Variants in RASA1 observed in about 807,000 individuals in gnomAD.
RASA1 encodes the protein ras GTPase-activating protein 1.
RASA1 carries 25 observed loss-of-function variants against 132.2 expected under a neutral mutation model. The observed-to-expected ratio is 0.19, with a 90% CI of 0.14 to 0.26. The LOEUF (loss-of-function observed/expected upper bound fraction) is 0.26. RASA1 is among the 10% of genes least tolerant of loss of function. RASA1 has a pLI of 1.00. For missense variants in RASA1, 964 were observed against 1,299.2 expected (o/e 0.74, Z 3.97); for synonymous variants, 477 against 449.9 (o/e 1.06, Z -0.76).
At chr5:87,297,819 C>A (rs1427333089) in intron 1 of RASA1, among the ~76,000 whole-genome samples, 1 of 152,120 alleles carries the variant, frequency 6.6e-6, no homozygotes, top group African/African-American at 2.4e-5. Flanking sequence ...ATGACTGGAT[C>A]CTCCTGGAGT....
In RASA1 at chr5:87,374,861, T is replaced by C. The variant is rs2112486940; in HGVS notation, c.1956T>C (p.Asn652=). ...FVFDDLPPDI[N]RFEITLSNKT... Reference sequence around the variant, plus strand: ...TTAGTGATCTTCCTCCTGACATCAATAGATTTGAAATAACTCTTAGTAATA... The same window carrying C: ...TTAGTGATCTTCCTCCTGACATCAACAGATTTGAAATAACTCTTAGTAATA... Residue 652 remains asparagine, a synonymous_variant, in exon 15 of 25, where the codon AAT becomes AAC. Coordinates refer to ENST00000274376, the MANE Select transcript of RASA1 (RefSeq NM_002890.3). 3 of 1,609,896 alleles carry C rather than the reference T, an allele frequency of 1.9e-6. No individual in the cohort carries two copies. Among genetic ancestry groups the C allele is most frequent in the African/African-American group, 1.3e-5 (1 of 74,922 alleles).
chr5:87,353,044 C>A, intron 8 of RASA1, 113 bp from the exon 9 acceptor site: 1 of 743,036 alleles, frequency 1.3e-6, no homozygotes, highest in Non-Finnish European at 2.3e-6. Flanking sequence ...GTGTTATGTG[C>A]TTTGAAAAAA....
chr5:87,346,816 C>A, intron 7 of RASA1, 92 bp downstream of exon 7: 2 of 978,302 alleles, frequency 2.0e-6, no homozygotes, highest in Non-Finnish European at 3.2e-6. Flanking sequence ...CTTTAGCATT[C>A]AGTTAGTGTT....
At chr5:87,353,347 C>A in intron 9 of RASA1, 112 bp downstream of exon 9, 3 of 864,538 alleles carry the variant, frequency 3.5e-6, no homozygotes, top group Non-Finnish European at 5.6e-6. Flanking sequence ...CTTAAAACTA[C>A]AGATTATTTA....
At chr5:87,347,012 C>T (rs1226174444) in intron 7 of RASA1, among the ~76,000 whole-genome samples, 1 of 151,868 alleles carries the variant, frequency 6.6e-6, no homozygotes, top group Non-Finnish European at 1.5e-5. Flanking sequence ...TTTTCTGTGT[C>T]TCTGTGAATC....
In RASA1 at chr5:87,365,801, T is replaced by C. The variant is rs577709804; in HGVS notation, c.1610+2297T>C. On this transcript the variant is annotated intron_variant, in intron 11 of 24. Coordinates refer to ENST00000274376, the MANE Select transcript of RASA1 (RefSeq NM_002890.3). The stretch of plus-strand genomic sequence containing the variant: ...ATACTTTGAAACAAAGAAGGTCCTA[T>C]GGAAATGCTAGTTAAGTTTATGACT... 1.8e-3 allele frequency among the ~76,000 whole-genome samples: 272 copies of C among 152,190 alleles called. 2 individuals carry two copies. The highest frequency in any genetic ancestry group is 0.016 in the South Asian group (79 of 4,824).
At chr5:87,298,895 G>T (rs928165193) in intron 1 of RASA1, among the ~76,000 whole-genome samples, 2 of 152,172 alleles carry the variant, frequency 1.3e-5, no homozygotes, top group Non-Finnish European at 2.9e-5. Context: ...ATTGTGCACT[G>T]CATTGTTCAG....
intron 1 of RASA1, among the ~76,000 whole-genome samples, chr5:87,287,947 A>C (rs77964267): frequency 0.22 from 1,482 of 6,870 alleles, 320 homozygotes; most frequent in Middle Eastern, 0.5. Context: ...TATATATATA[A>C]CATATATATA....
chr5:87,379,709 T>A (rs1370631636), intron 18 of RASA1, 26 bp from the exon 19 acceptor site: 1 of 1,608,648 alleles, frequency 6.2e-7, no homozygotes, highest in East Asian at 2.2e-5. Flanking sequence ...CAACATGCAT[T>A]TATATTGATT....
chr5:87,338,536 A>ATATATATATATATATATATATATATATT, intron 5 of RASA1, among the ~76,000 whole-genome samples: 2 of 85,214 alleles, frequency 2.3e-5, no homozygotes, highest in Admixed American at 1.3e-4. Context: ...TATATATAAA[A>ATATATATATATATATATATATATATATT]TTTTTTTTTT....
intron 23 of RASA1, among the ~76,000 whole-genome samples, chr5:87,388,438 T>C (rs1309562528): frequency 6.6e-6 from 1 of 152,148 alleles, no homozygotes. Flanking sequence ...TGCTAAAAAA[T>C]CCAAAACTTG....
chr5:87,317,045 G>C (rs1045377213), intron 1 of RASA1, among the ~76,000 whole-genome samples: 1 of 152,058 alleles, frequency 6.6e-6, no homozygotes, highest in Non-Finnish European at 1.5e-5. Context: ...ACTACACCCA[G>C]CTAATTTTTG....
At chr5:87,378,271 C>G (rs2112495216) in intron 17 of RASA1, 125 bp from the exon 18 acceptor site, 1 of 1,086,826 alleles carries the variant, frequency 9.2e-7, no homozygotes. Context: ...ACTTTCAACG[C>G]TGCACGCAAA....
intron 1 of RASA1, among the ~76,000 whole-genome samples, chr5:87,329,701 T>G (rs1757473562): frequency 6.6e-6 from 1 of 152,160 alleles, no homozygotes; most frequent in African/African-American, 2.4e-5. Context: ...TCCTTAATTT[T>G]ATCTTTGTTG....
chr5:87,322,480 ATCAG>A (rs1181061504), intron 1 of RASA1, among the ~76,000 whole-genome samples: 1 of 152,176 alleles, frequency 6.6e-6, no homozygotes, highest in Non-Finnish European at 1.5e-5. Context: ...CTTCCACTAA[ATCAG>A]TCAGTCCCTG....
intron 24 of RASA1, 136 bp from the exon 25 acceptor site, chr5:87,390,664 T>G (rs1283781532): frequency 6.7e-6 from 5 of 747,922 alleles, no homozygotes; most frequent in Non-Finnish European, 1.2e-5. Context: ...TAATAGAGAC[T>G]TATGTTTTGA....
rs1265758816 is a variant in RASA1 at position 87,269,131 on chromosome 5, A to C, written c.539+141A>C. The C allele has an allele frequency of 2.0e-5, 32 of 1,613,368 alleles. No individual in the cohort carries two copies. In the Admixed American group the frequency reaches 5.3e-4, roughly 27 times the overall value. On this transcript the variant is annotated intron_variant, in intron 1 of 24. Coordinates refer to ENST00000274376, the MANE Select transcript of RASA1 (RefSeq NM_002890.3). ...GAAGTTTCAGGTTTCTTGGGTAGGAATTTAATCTGATCACTTATCTTCCTT... is the reference window on the plus strand; with the variant it reads ...GAAGTTTCAGGTTTCTTGGGTAGGACTTTAATCTGATCACTTATCTTCCTT...
chr5:87,347,526 A>T (rs781097018), intron 7 of RASA1, among the ~76,000 whole-genome samples: 1 of 152,010 alleles, frequency 6.6e-6, no homozygotes, highest in Non-Finnish European at 1.5e-5. Context: ...AATGTTGACT[A>T]TTCAATAGTT....
At chr5:87,333,105 C>T (rs115178262) in intron 3 of RASA1, among the ~76,000 whole-genome samples, 162 bp from the exon 4 acceptor site, 4,235 of 152,080 alleles carry the variant, frequency 0.028, 75 homozygotes, top group Non-Finnish European at 0.044. Flanking sequence ...AACAAAAAAG[C>T]CTTTCTAGGC....
Sources: gnomAD v4.1 joint callset for allele counts (sites outside exome capture counted in the v4.1 genomes callset) on GRCh38, gnomAD v4.1.1 for gene constraint, MANE v1.5 for transcripts, NCBI Gene and HGNC (gene_info 2026-07-23, HGNC 2026-07-21) for gene names.